The following PCDHGA10 variants were observed in gnomAD, a reference collection of about 807,000 sequenced individuals.
PCDHGA10 encodes protocadherin gamma-A10.
Under a neutral mutation model 59.5 loss-of-function variants are expected in PCDHGA10, and 42 were observed. That is an observed-to-expected ratio of 0.71 (90% confidence interval 0.55 to 0.91). PCDHGA10 has a LOEUF of 0.91. Ranked by LOEUF, PCDHGA10 falls within the 40% of genes least tolerant of loss-of-function variation. PCDHGA10 has a pLI of 0.00. For synonymous variants in PCDHGA10, 511 were observed against 517.2 expected (o/e 0.99, Z 0.16); for missense variants, 1,111 against 1,198.2 (o/e 0.93, Z 1.07).
At chr5:141,433,605 G>A (rs1411907056) in intron 1 of PCDHGA10, among the ~76,000 whole-genome samples, 1 of 152,114 alleles carries the variant, frequency 6.6e-6, no homozygotes, top group South Asian at 2.1e-4. Context: ...GGAGGCCGAG[G>A]CGGGTGGATC....
At chr5:141,441,680 C>T in intron 1 of PCDHGA10, 1 of 295,840 alleles carries the variant, frequency 3.4e-6, no homozygotes, top group South Asian at 2.8e-5. Context: ...GCGCCTTCGA[C>T]CAAGAGCAGC....
chr5:141,503,377 A>G lies in PCDHGA10; in HGVS notation c.2496-2016A>G, dbSNP rs534841057. Among the ~76,000 whole-genome samples, 4 of 152,142 alleles carry G rather than the reference A, an allele frequency of 2.6e-5. No homozygotes were observed. In the East Asian group the frequency reaches 7.8e-4, roughly 30 times the overall value. The stretch of plus-strand genomic sequence containing the variant: ...TTTGGGAAGCGGAGGCAGGTGGATC[A>G]TGAGGTCAGGAGTTCGAAACCAACC... On this transcript the variant is annotated intron_variant, in intron 2 of 3. Coordinates refer to ENST00000398610, the MANE Select transcript of PCDHGA10 (RefSeq NM_018913.3).
intron 1 of PCDHGA10, among the ~76,000 whole-genome samples, chr5:141,445,961 G>T (rs944876169): frequency 1.3e-5 from 2 of 152,158 alleles, no homozygotes; most frequent in Non-Finnish European, 2.9e-5. Context: ...GCTATATGGA[G>T]AATTGATTTA....
chr5:141,431,376 CT>C lies in PCDHGA10; in HGVS notation c.2436+15766del. The C allele has an allele frequency of 1.2e-6, 2 of 1,613,436 alleles. No individual in the cohort carries two copies. The highest frequency in any genetic ancestry group is 1.7e-6 in the Non-Finnish European group (2 of 1,179,562). On this transcript the variant is annotated intron_variant, in intron 1 of 3. Transcript: ENST00000398610. This position sits in a 1 kb window ranked among gnomAD's most constrained non-coding sequence, Gnocchi z 4.8. ...CGCGCCCTGGACCGCGAAGAAAAGG[CT>C]GCTCACCACCTGGTCCTTACGGCCT...
At chr5:141,425,805 C>T (rs1419480761) in intron 1 of PCDHGA10, among the ~76,000 whole-genome samples, 1 of 152,158 alleles carries the variant, frequency 6.6e-6, no homozygotes, top group African/African-American at 2.4e-5. Context: ...TGCATTGCTT[C>T]TGCTTAGAAA....
At chr5:141,423,701 G>A in intron 1 of PCDHGA10, 1 of 1,312,668 alleles carries the variant, frequency 7.6e-7, no homozygotes, top group Non-Finnish European at 9.9e-7. Flanking sequence ...TGGTGTCTTG[G>A]CACAAGTCTT....
At position 141,431,262 on chromosome 5, in the gene PCDHGA10, A is replaced by G. The variant is rs371663018; in HGVS notation, c.2436+15651A>G. The stretch of plus-strand genomic sequence containing the variant: ...CCGGATATCGGGAAGAACTCTCTGC[A>G]GAGCTACGAGCTCAGCCCGAACACT... On this transcript the variant is annotated intron_variant, in intron 1 of 3. Coordinates refer to ENST00000398610, the MANE Select transcript of PCDHGA10 (RefSeq NM_018913.3). The surrounding 1 kb of genome is among the most constrained non-coding windows in gnomAD (Gnocchi z 4.8). The G allele has an allele frequency of 2.6e-5, 42 of 1,614,184 alleles. No homozygotes were observed. In the African/African-American group the frequency reaches 2.7e-4, roughly 10 times the overall value.
chr5:141,427,193 C>T (rs1427995075), intron 1 of PCDHGA10: 1 of 456,496 alleles, frequency 2.2e-6, no homozygotes, highest in Admixed American at 2.4e-5. Context: ...AATCCAAAGA[C>T]TTAATAGACT....
chr5:141,472,412 G>A (rs1283620276), intron 1 of PCDHGA10, among the ~76,000 whole-genome samples: 8 of 151,940 alleles, frequency 5.3e-5, no homozygotes, highest in Non-Finnish European at 8.8e-5. Context: ...GTGGTGGCAC[G>A]CACCTGTATC....
chr5:141,424,076 A>C, intron 1 of PCDHGA10: 2 of 979,452 alleles, frequency 2.0e-6, no homozygotes, highest in Non-Finnish European at 2.5e-6. Flanking sequence ...TTGTAGTTAT[A>C]TTCCACCATT....
At chr5:141,418,196 C>G in intron 1 of PCDHGA10, 1 of 1,614,032 alleles carries the variant, frequency 6.2e-7, no homozygotes, top group Non-Finnish European at 8.5e-7. Context: ...GGTGGAAAAT[C>G]CTTTAAATAT....
intron 1 of PCDHGA10, chr5:141,471,535 T>C (rs553186728): frequency 6.6e-6 from 1 of 152,368 alleles, no homozygotes; most frequent in African/African-American, 2.4e-5. Context: ...GAAGCTATGA[T>C]AGCATTTAAG....
intron 1 of PCDHGA10, among the ~76,000 whole-genome samples, chr5:141,449,560 GC>G (rs1487612909): frequency 6.9e-6 from 1 of 145,056 alleles, no homozygotes; most frequent in Non-Finnish European, 1.5e-5. Flanking sequence ...CTGCACTCCA[GC>G]CTGGGCGACA....
rs563057370 is a variant in PCDHGA10 at position 141,491,297 on chromosome 5, A to G, written c.2437-3510A>G. 1.2e-6 allele frequency: 2 copies of G among 1,614,106 alleles called. No homozygotes were observed. Among genetic ancestry groups the G allele is most frequent in the African/African-American group, 2.7e-5 (2 of 75,038 alleles). On this transcript the variant is annotated intron_variant, in intron 1 of 3. Transcript: ENST00000398610. This position sits in a 1 kb window ranked among gnomAD's most constrained non-coding sequence, Gnocchi z 6.9. The stretch of plus-strand genomic sequence containing the variant: ...AGTGACTTCCTCATACACCCTCCTG[A>G]GCGTTCAGACCTTACCCTTTACCTC...
At chr5:141,502,575 A>G (rs1314648955) in intron 2 of PCDHGA10, among the ~76,000 whole-genome samples, 2 of 152,208 alleles carry the variant, frequency 1.3e-5, no homozygotes, top group Admixed American at 1.3e-4. Context: ...CATTATAAAA[A>G]TATATTTTTA....
chr5:141,438,526 G>A (rs188552043), intron 1 of PCDHGA10, among the ~76,000 whole-genome samples: 11 of 143,330 alleles, frequency 7.7e-5, no homozygotes, highest in Non-Finnish European at 1.5e-4. Flanking sequence ...ATTTTACATG[G>A]ACTTTTCCTC....
In PCDHGA10 at chr5:141,463,735, C is replaced by T. The variant is rs1411988885; in HGVS notation, c.2437-31072C>T. On this transcript the variant is annotated intron_variant, in intron 1 of 3. Coordinates refer to ENST00000398610, the MANE Select transcript of PCDHGA10 (RefSeq NM_018913.3). ...TGCTGGGATTACAGGCATGAGCCAC[C>T]GCGCCCGGCCTGCTTCTCTTCTCTT... 3.3e-5 allele frequency among the ~76,000 whole-genome samples: 5 copies of T among 152,100 alleles called. No individual in the cohort carries two copies. The East Asian group carries it at 7.8e-4, about 24-fold the overall frequency.
intron 1 of PCDHGA10, among the ~76,000 whole-genome samples, chr5:141,459,692 G>A (rs891511502): frequency 2.6e-5 from 4 of 152,134 alleles, no homozygotes; most frequent in African/African-American, 9.7e-5. Flanking sequence ...AAAGCGTTCC[G>A]CTTGCTACAT....
At chr5:141,441,930 G>T in intron 1 of PCDHGA10, 1 of 347,232 alleles carries the variant, frequency 2.9e-6, no homozygotes, top group Non-Finnish European at 5.5e-6. Flanking sequence ...ATGCGTGGCT[G>T]TCCTACCACG....
Sources: allele counts gnomAD v4.1 joint callset (sites outside exome capture counted in the v4.1 genomes callset), GRCh38; gene constraint gnomAD v4.1.1; non-coding constraint Gnocchi (gnomAD v3.1); transcripts MANE v1.5; gene names NCBI Gene and HGNC (gene_info 2026-07-23, HGNC 2026-07-21).